The following KLHL3 variants were observed in gnomAD, a reference collection of about 807,000 sequenced individuals.
KLHL3 encodes the protein kelch-like protein 3.
A neutral mutation model predicts 70.5 loss-of-function variants in KLHL3; 19 were observed. The ratio of observed to expected loss-of-function variants is 0.27; its 90% CI spans 0.19 to 0.40. KLHL3 has a LOEUF of 0.40. Among genes scored for constraint, KLHL3 ranks in the 10% least tolerant of loss-of-function variants. The pLI, the probability that KLHL3 is intolerant of heterozygous loss-of-function variation, is 1.00. For synonymous variants in KLHL3, 258 were observed against 290.3 expected (o/e 0.89, Z 1.13); for missense variants, 512 against 771.1 (o/e 0.66, Z 3.98).
chr5:137,657,054 G>C (rs1446250489), intron 8 of KLHL3, among the ~76,000 whole-genome samples: 1 of 152,202 alleles, frequency 6.6e-6, no homozygotes, highest in Admixed American at 6.5e-5. Context: ...TGAGACATTT[G>C]TTCACATTGC....
intron 14 of KLHL3, among the ~76,000 whole-genome samples, chr5:137,624,424 T>A (rs970559546): frequency 2.0e-5 from 3 of 152,148 alleles, no homozygotes; most frequent in African/African-American, 7.2e-5. Flanking sequence ...CAGAACAGAA[T>A]TACTCCAGGA....
chr5:137,708,275 G>A (rs1752723144), intron 3 of KLHL3, among the ~76,000 whole-genome samples: 1 of 152,178 alleles, frequency 6.6e-6, no homozygotes, highest in Admixed American at 6.5e-5. Flanking sequence ...CAAACTCTCA[G>A]TGCACAAGTG....
intron 2 of KLHL3, among the ~76,000 whole-genome samples, chr5:137,719,383 T>C (rs1752954966): frequency 6.6e-6 from 1 of 152,246 alleles, no homozygotes; most frequent in South Asian, 2.1e-4. Context: ...ACTCAAAAGT[T>C]GCCTCTGCCT....
At chr5:137,640,471 A>G (rs1414321984) in intron 8 of KLHL3, among the ~76,000 whole-genome samples, 1 of 152,216 alleles carries the variant, frequency 6.6e-6, no homozygotes, top group Non-Finnish European at 1.5e-5. Context: ...TTATTACAAA[A>G]GTTATTAAAC....
rs1756342659 is a variant in KLHL3 at position 137,619,749 on chromosome 5, G to A, written c.*2349C>T. ...TGGCCTTGGCAGCACGCCCAGTAGA[G>A]GCAGTGCTTTGTAGGGAGGGAGACA... is the stretch of plus-strand genomic sequence containing the variant. On this transcript the variant is annotated 3_prime_UTR_variant, in exon 15 of 15. Transcript: ENST00000309755. The A allele has an allele frequency of 6.5e-6, 1 of 152,704 alleles. No individual in the cohort carries two copies. 9.5% of individuals were successfully genotyped at this position (152,704 alleles called of 1,614,324 possible). A position where few individuals can be genotyped will look rare whatever the true frequency, so the allele number is the denominator to read the frequency against.
At chr5:137,640,060 G>T in intron 8 of KLHL3, 83 bp from the exon 9 acceptor site, 3 of 1,146,058 alleles carry the variant, frequency 2.6e-6, no homozygotes, top group Non-Finnish European at 2.6e-6. Context: ...ATGGCTTATC[G>T]CCCAGGGTGT....
Position 137,619,828 on chromosome 5 carries a change from T to C in KLHL3, c.*2270A>G, listed in dbSNP as rs922093391. On this transcript the variant is annotated 3_prime_UTR_variant, in exon 15 of 15. Coordinates refer to ENST00000309755, the MANE Select transcript of KLHL3 (RefSeq NM_017415.3). ...AAACAGAAAACATGACTGGCTAGCT[T>C]TCAGTGGAGGGACCCTTCCCCGGAA... 3 of 152,506 alleles carry C rather than the reference T, an allele frequency of 2.0e-5. No homozygotes were observed. The South Asian group carries it at 6.2e-4, about 32-fold the overall frequency. The allele number at this position is 152,506 out of a possible 1,614,324, so 9.4% of individuals were successfully genotyped here.
intron 6 of KLHL3, among the ~76,000 whole-genome samples, chr5:137,674,874 A>T (rs1751849238): frequency 6.6e-6 from 1 of 152,244 alleles, no homozygotes; most frequent in African/African-American, 2.4e-5. Flanking sequence ...CAGACACAGA[A>T]TTTTCAAAGC....
intron 12 of KLHL3, among the ~76,000 whole-genome samples, chr5:137,632,531 T>C (rs1750663573): frequency 6.6e-6 from 1 of 152,144 alleles, no homozygotes; most frequent in Admixed American, 6.5e-5. Context: ...GACTTAAATA[T>C]AAGACCTGAA....
chr5:137,683,132 C>T lies in KLHL3; in HGVS notation c.527-5478G>A, dbSNP rs185350813. ...GAATGTATCACCCAAATTTTATCAT[C>T]CTTTTAACATTGGGAAGATATGTTT... On this transcript the variant is annotated intron_variant, in intron 5 of 14. Transcript: ENST00000309755. Among the ~76,000 whole-genome samples the T allele has an allele frequency of 7.4e-4, 113 of 152,268 alleles. 1 individual carries two copies. The highest frequency in any genetic ancestry group is 2.3e-3 in the South Asian group (11 of 4,810).
chr5:137,671,186 A>T (rs983046654), intron 6 of KLHL3, among the ~76,000 whole-genome samples: 2 of 152,062 alleles, frequency 1.3e-5, no homozygotes, highest in East Asian at 1.9e-4. Flanking sequence ...TTTTCTCCCC[A>T]GGTACGAGCT....
chr5:137,628,102 G>T, intron 13 of KLHL3, 195 bp downstream of exon 13: 1 of 618,814 alleles, frequency 1.6e-6, no homozygotes, highest in Non-Finnish European at 2.8e-6. Flanking sequence ...TAGGTTGCAG[G>T]ATCTGCAGCT....
intron 8 of KLHL3, among the ~76,000 whole-genome samples, chr5:137,656,641 C>G (rs1030639833): frequency 9.2e-5 from 14 of 152,158 alleles, no homozygotes; most frequent in African/African-American, 3.4e-4. Context: ...ATATTTCAAC[C>G]AAACAAAACA....
intron 1 of KLHL3, among the ~76,000 whole-genome samples, chr5:137,730,623 G>A (rs912301029): frequency 2.0e-5 from 3 of 152,070 alleles, no homozygotes; most frequent in Admixed American, 2.0e-4. Flanking sequence ...AAAACTCAAG[G>A]GGAAAACTCT....
intron 4 of KLHL3, among the ~76,000 whole-genome samples, chr5:137,695,477 GA>G (rs1408135299): frequency 1.3e-5 from 2 of 151,774 alleles, no homozygotes; most frequent in East Asian, 1.9e-4. Flanking sequence ...AAAAGTGTGG[GA>G]AAAAAAAGTC....
intron 2 of KLHL3, among the ~76,000 whole-genome samples, chr5:137,712,156 C>CAAAAAAAAAAAAAAAAAAAAAAAAAAAAA (rs201519598): frequency 1.3e-5 from 1 of 74,862 alleles, no homozygotes; most frequent in African/African-American, 5.5e-5. Context: ...AAGATTCTGT[C>CAAAAAAAAAAAAAAAAAAAAAAAAAAAAA]AAAAAAAAAA....
At chr5:137,625,091 T>A (rs1012327242) in intron 14 of KLHL3, among the ~76,000 whole-genome samples, 1 of 126,958 alleles carries the variant, frequency 7.9e-6, no homozygotes, top group Non-Finnish European at 1.9e-5. Context: ...ACGGATAGAG[T>A]CCCATTCAGC....
intron 8 of KLHL3, among the ~76,000 whole-genome samples, chr5:137,643,354 CAAAAA>C (rs11323248): frequency 8.2e-6 from 1 of 122,618 alleles, no homozygotes. Flanking sequence ...GACCCTGTCT[CAAAAA>C]AAAAAAAAAA....
intron 1 of KLHL3, among the ~76,000 whole-genome samples, chr5:137,725,849 G>A (rs1753077685): frequency 6.6e-6 from 1 of 152,318 alleles, no homozygotes; most frequent in East Asian, 1.9e-4. Context: ...CACAGAAAGG[G>A]TGTTGCAAAT....
Sources: gnomAD v4.1 joint callset for allele counts (sites outside exome capture counted in the v4.1 genomes callset) on GRCh38, gnomAD v4.1.1 for gene constraint, MANE v1.5 for transcripts, NCBI Gene and HGNC (gene_info 2026-07-23, HGNC 2026-07-21) for gene names.